COL4A2: variants seen among roughly 807,000 people sequenced by gnomAD.
COL4A2 encodes collagen type IV alpha 2 chain.
Under a neutral mutation model 200.2 loss-of-function variants are expected in COL4A2, and 99 were observed. That is an observed-to-expected ratio of 0.49 (90% confidence interval 0.42 to 0.58). The LOEUF (loss-of-function observed/expected upper bound fraction) is 0.58. Ranked by LOEUF, COL4A2 falls within the 20% of genes least tolerant of loss-of-function variation. The pLI is 0.00. For synonymous variants in COL4A2, 897 were observed against 900.6 expected (o/e 1.00, Z 0.07); for missense variants, 1,950 against 2,314.1 (o/e 0.84, Z 3.23).
chr13:110,310,823 G>C (rs769611535), intron 3 of COL4A2, among the ~76,000 whole-genome samples: 1 of 152,132 alleles, frequency 6.6e-6, no homozygotes, highest in African/African-American at 2.4e-5. Flanking sequence ...CTGTACTAAT[G>C]CTTCTAATCC....
intron 20 of COL4A2, chr13:110,456,522 G>A (rs1881738902): frequency 8.6e-6 from 3 of 348,080 alleles, no homozygotes; most frequent in Non-Finnish European, 1.7e-5. Context: ...AGGAATAATT[G>A]TTATCCCTAT....
At chr13:110,473,687 G>A (rs1882569327) in intron 29 of COL4A2, 1 of 152,250 alleles carries the variant, frequency 6.6e-6, no homozygotes, top group Admixed American at 6.5e-5. Flanking sequence ...GTGGCTTTAA[G>A]GGTTCAACTG....
Position 110,307,790 on chromosome 13 carries a change from C to A in COL4A2, c.-44-70C>A, listed in dbSNP as rs1198191750. ...CCGCGCTGTCCCCGCGTCTCGCGGA[C>A]CGAGACCGGCGGTGAGGATGGGCTG... On this transcript the variant is annotated intron_variant, in intron 1 of 47. Transcript: ENST00000360467. This position sits in a 1 kb window ranked among gnomAD's most constrained non-coding sequence, Gnocchi z 5.0. 2.1e-6 allele frequency: 3 copies of A among 1,399,892 alleles called. No homozygotes were observed. The highest frequency in any genetic ancestry group is 2.9e-5 in the African/African-American group (2 of 69,164). 86.7% of individuals were successfully genotyped at this position (1,399,892 alleles called of 1,614,324 possible).
At chr13:110,506,375 T>G (rs2139557916) in intron 45 of COL4A2, 40 bp from the exon 46 acceptor site, 1 of 1,575,236 alleles carries the variant, frequency 6.3e-7, no homozygotes, top group African/African-American at 1.4e-5. Context: ...GGGCTGCAGG[T>G]GCACCAGGCC....
At chr13:110,416,740 G>A (rs1336017192) in intron 4 of COL4A2, among the ~76,000 whole-genome samples, 2 of 152,194 alleles carry the variant, frequency 1.3e-5, no homozygotes, top group Non-Finnish European at 2.9e-5. Flanking sequence ...AATTATAGGT[G>A]GTACCTTCTG....
chr13:110,414,486 C>G (rs1049235646), intron 4 of COL4A2, among the ~76,000 whole-genome samples: 6 of 152,174 alleles, frequency 3.9e-5, no homozygotes, highest in Admixed American at 3.3e-4. Context: ...CACTTCAGAA[C>G]GATCACCCGG....
At chr13:110,332,166 C>G (rs776296449) in intron 3 of COL4A2, among the ~76,000 whole-genome samples, 1 of 152,074 alleles carries the variant, frequency 6.6e-6, no homozygotes, top group Non-Finnish European at 1.5e-5. Flanking sequence ...CCTTATTATA[C>G]TGTCTAGAAT....
intron 3 of COL4A2, among the ~76,000 whole-genome samples, chr13:110,354,608 G>A (rs1300649102): frequency 2.0e-5 from 3 of 149,820 alleles, no homozygotes; most frequent in Non-Finnish European, 2.9e-5. Context: ...AAGGGTTTGG[G>A]ACTTTCCACT....
intron 3 of COL4A2, among the ~76,000 whole-genome samples, chr13:110,324,244 G>C (rs1594145986): frequency 6.6e-6 from 1 of 152,168 alleles, no homozygotes; most frequent in African/African-American, 2.4e-5. Context: ...CAGAAACTCA[G>C]CTTCATGGGC....
At chr13:110,438,807 C>G (rs1222934502) in intron 15 of COL4A2, 139 bp downstream of exon 15, 1 of 772,072 alleles carries the variant, frequency 1.3e-6, no homozygotes, top group South Asian at 1.7e-5. Flanking sequence ...TCCCCACCCC[C>G]CCCCACACAC....
Position 110,438,603 on chromosome 13 carries a change from T to A in COL4A2, c.862-15T>A. 1 of 1,614,176 alleles carries A rather than the reference T, an allele frequency of 6.2e-7. No individual in the cohort carries two copies. The highest frequency in any genetic ancestry group is 8.5e-7 in the Non-Finnish European group (1 of 1,180,026). ...CCCCTGGGTTGCTCCTTACGCCCCC[T>A]CTGCTCTCTCCTAGGGCATTTCCTT... On this transcript the variant is annotated splice_polypyrimidine_tract_variant and intron_variant, in intron 14 of 47. Transcript: ENST00000360467.
intron 3 of COL4A2, among the ~76,000 whole-genome samples, chr13:110,344,966 C>T (rs979759199): frequency 6.6e-6 from 1 of 152,028 alleles, no homozygotes; most frequent in Non-Finnish European, 1.5e-5. Context: ...AGTGGTCTGC[C>T]CCAGCTCTGT....
chr13:110,329,695 C>T (rs898293499), intron 3 of COL4A2, among the ~76,000 whole-genome samples: 12 of 152,220 alleles, frequency 7.9e-5, no homozygotes, highest in Admixed American at 2.0e-4. Context: ...CTTTCTTTTA[C>T]TCAAAGGGTT....
At chr13:110,372,295 T>G (rs946119403) in intron 4 of COL4A2, among the ~76,000 whole-genome samples, 3 of 152,138 alleles carry the variant, frequency 2.0e-5, no homozygotes, top group African/African-American at 7.2e-5. Flanking sequence ...AACAGACTTT[T>G]TTGTTTAAGA....
intron 4 of COL4A2, among the ~76,000 whole-genome samples, chr13:110,372,014 T>C (rs895882579): frequency 6.6e-6 from 1 of 150,696 alleles, no homozygotes; most frequent in Non-Finnish European, 1.5e-5. Flanking sequence ...GCTGGGAGAT[T>C]CCGCTCACCT....
intron 41 of COL4A2, 51 bp from the exon 42 acceptor site, chr13:110,503,070 G>A (rs761042618): frequency 1.3e-6 from 2 of 1,571,172 alleles, no homozygotes; most frequent in Admixed American, 3.9e-5. Flanking sequence ...CTGCCCCCAG[G>A]GGCCTTGGGG....
intron 3 of COL4A2, among the ~76,000 whole-genome samples, chr13:110,345,574 G>A (rs1425182758): frequency 1.3e-5 from 2 of 152,138 alleles, no homozygotes; most frequent in Non-Finnish European, 2.9e-5. Flanking sequence ...GACTCACATT[G>A]ATGCACATCT....
intron 4 of COL4A2, among the ~76,000 whole-genome samples, chr13:110,381,053 G>GTCTCACACCCACGGGCTCTA (rs1878466940): frequency 1.0e-5 from 1 of 99,112 alleles, no homozygotes; most frequent in Non-Finnish European, 2.0e-5. Context: ...TACGGGCTCT[G>GTCTCACACCCACGGGCTCTA]TCTCACACCC....
chr13:110,340,413 T>C (rs1014773815), intron 3 of COL4A2, among the ~76,000 whole-genome samples: 2 of 152,340 alleles, frequency 1.3e-5, no homozygotes, highest in African/African-American at 4.8e-5. Flanking sequence ...ATGGTCCTCA[T>C]GTAAGCTGAC....
Sources: allele counts gnomAD v4.1 joint callset (sites outside exome capture counted in the v4.1 genomes callset), GRCh38; gene constraint gnomAD v4.1.1; non-coding constraint Gnocchi (gnomAD v3.1); transcripts MANE v1.5; gene names NCBI Gene and HGNC (gene_info 2026-07-23, HGNC 2026-07-21).